FANCL: variants seen among roughly 807,000 people sequenced by gnomAD.
FANCL encodes the protein E3 ubiquitin-protein ligase FANCL.
In FANCL, 69 loss-of-function variants were observed where a neutral mutation model predicts 59.4. That is an observed-to-expected ratio of 1.16 (90% CI 0.96 to 1.42). The LOEUF is 1.42. Among genes scored for constraint, FANCL ranks in the 40% most tolerant of loss-of-function variants. FANCL has a pLI of 0.00. For missense variants in FANCL, 519 were observed against 447.2 expected, an observed-to-expected ratio of 1.16 and a Z score of -1.45; for synonymous variants, 180 against 147.1, an observed-to-expected ratio of 1.22 and a Z score of -1.62.
In FANCL at chr2:58,159,564, T is replaced by C; in HGVS notation, c.*201A>G. Reference sequence around the variant, plus strand: ...GCACGGGGATCACAGACTTAGAAAGTTCAACTGGACTTTGGCCTACAATTT... The same window carrying C: ...GCACGGGGATCACAGACTTAGAAAGCTCAACTGGACTTTGGCCTACAATTT... On this transcript the variant is annotated 3_prime_UTR_variant, in exon 14 of 14. Coordinates refer to ENST00000233741, the MANE Select transcript of FANCL (RefSeq NM_018062.4). 6.2e-7 allele frequency: 1 copy of C among 1,613,838 alleles called. No individual in the cohort carries two copies. The highest frequency in any genetic ancestry group is 8.5e-7 in the Non-Finnish European group (1 of 1,179,806).
chr2:58,162,814 AAACTTCATTAT>A, intron 11 of FANCL, 41 bp downstream of exon 11: 1 of 1,473,210 alleles, frequency 6.8e-7, no homozygotes, highest in East Asian at 2.3e-5. Context: ...AGAAGCATTT[AAACTTCATTAT>A]GCAATACTGT....
At chr2:58,236,702 C>T (rs994434275) in intron 1 of FANCL, among the ~76,000 whole-genome samples, 3 of 151,588 alleles carry the variant, frequency 2.0e-5, no homozygotes, top group Non-Finnish European at 4.4e-5. Context: ...TATTGCATAA[C>T]AAAGCAAAGC....
intron 7 of FANCL, among the ~76,000 whole-genome samples, chr2:58,169,010 C>A (rs1686251360): frequency 6.6e-6 from 1 of 152,164 alleles, no homozygotes; most frequent in Non-Finnish European, 1.5e-5. Flanking sequence ...AAAGGGGCGG[C>A]TGTGGGCACA....
chr2:58,177,771 T>A (rs1687496742), intron 7 of FANCL, among the ~76,000 whole-genome samples: 2 of 140,822 alleles, frequency 1.4e-5, no homozygotes, highest in African/African-American at 2.7e-5. Flanking sequence ...CACTAAAACT[T>A]AATAATAAAA....
rs75781229 is a variant in FANCL at position 58,187,568 on chromosome 2, T to TA, written c.540+11025dup. On this transcript the variant is annotated intron_variant, in intron 7 of 13. Transcript: ENST00000233741. ...TACCCTAAAACTTAAAGTATAATAA[T>TA]AAAAAAAAAAAAGTGTTGCAAAGAA... Among the ~76,000 whole-genome samples the TA allele has an allele frequency of 6.1e-3, 813 of 133,642 alleles. 8 individuals carry two copies. Among genetic ancestry groups the TA allele is most frequent in the African/African-American group, 0.02 (721 of 36,808 alleles). 87.7% of individuals were successfully genotyped at this position (133,642 alleles called of 152,430 possible). A position where few individuals can be genotyped will look rare whatever the true frequency, so the allele number is the denominator to read the frequency against.
chr2:58,182,652 A>C (rs548796160), intron 7 of FANCL, among the ~76,000 whole-genome samples: 5 of 151,868 alleles, frequency 3.3e-5, no homozygotes, highest in African/African-American at 4.8e-5. Context: ...TCAACAAAGT[A>C]TATGAGTCAA....
At chr2:58,166,551 TCA>T (rs1685972398) in intron 7 of FANCL, among the ~76,000 whole-genome samples, 2 of 152,216 alleles carry the variant, frequency 1.3e-5, no homozygotes, top group Non-Finnish European at 2.9e-5. Flanking sequence ...ACTTTAAAAA[TCA>T]GTTTTTAAAC....
chr2:58,169,522 G>C (rs1686320716), intron 7 of FANCL, among the ~76,000 whole-genome samples: 1 of 152,048 alleles, frequency 6.6e-6, no homozygotes, highest in African/African-American at 2.4e-5. Context: ...CTCCTCGCCA[G>C]CAAGGGAACA....
chr2:58,217,228 A>C (rs1229222337), intron 5 of FANCL, among the ~76,000 whole-genome samples: 1 of 85,670 alleles, frequency 1.2e-5, no homozygotes, highest in South Asian at 2.9e-4. Flanking sequence ...ACACACACAC[A>C]CACACACACA....
At position 58,159,367 on chromosome 2, in the gene FANCL, CAG is replaced by C. The variant is rs1450008060; in HGVS notation, c.*396_*397del. ...TCCATAGGAAAGCACAAGGAGAAGA[CAG>C]AAATATCAAGAGTCTCAAGAACCTT... On this transcript the variant is annotated 3_prime_UTR_variant, in exon 14 of 14. Coordinates refer to ENST00000233741, the MANE Select transcript of FANCL (RefSeq NM_018062.4). The C allele has an allele frequency of 2.5e-6, 4 of 1,607,230 alleles. No homozygotes were observed. The highest frequency in any genetic ancestry group is 3.4e-6 in the Non-Finnish European group (4 of 1,177,564).
intron 12 of FANCL, among the ~76,000 whole-genome samples, chr2:58,160,811 G>C (rs538008548): frequency 8.3e-4 from 126 of 152,114 alleles, no homozygotes; most frequent in African/African-American, 3.0e-3. Flanking sequence ...CATTGGCAAA[G>C]TACAGACGGC....
At chr2:58,241,088 AGCCGTTACGC>A (rs1431156222) in intron 1 of FANCL, 120 bp downstream of exon 1, 24 of 919,620 alleles carry the variant, frequency 2.6e-5, no homozygotes, top group Middle Eastern at 2.6e-4. Context: ...GTCTCCCAAG[AGCCGTTACGC>A]GCCGCCCCTC....
chr2:58,212,218 A>T (rs1454620484), intron 5 of FANCL, among the ~76,000 whole-genome samples: 2 of 152,220 alleles, frequency 1.3e-5, no homozygotes, highest in African/African-American at 2.4e-5. Context: ...TCTTACATGG[A>T]TGGCAGCAGG....
chr2:58,210,152 C>T (rs1402230381), intron 5 of FANCL, among the ~76,000 whole-genome samples: 2 of 152,112 alleles, frequency 1.3e-5, no homozygotes, highest in East Asian at 3.9e-4. Flanking sequence ...ATAAATGTAT[C>T]TTATAAAGTG....
Position 58,175,350 on chromosome 2 carries a change from A to T in FANCL, c.541-9476T>A, listed in dbSNP as rs1435936246. Among the ~76,000 whole-genome samples the T allele has an allele frequency of 3.3e-5, 5 of 149,730 alleles. No homozygotes were observed. In the South Asian group the frequency reaches 8.4e-4, roughly 25 times the overall value. ...CAACCAAAAAAGAGAATTTTACACC[A>T]ATATCCTTGATGAACATTGATGCAA... is the stretch of plus-strand genomic sequence containing the variant. On this transcript the variant is annotated intron_variant, in intron 7 of 13. Transcript: ENST00000233741.
rs935437096 is a variant in FANCL at position 58,202,520 on chromosome 2, GT to G, written c.471+1609del. On this transcript the variant is annotated intron_variant, in intron 6 of 13. Transcript: ENST00000233741. ...TACATGCTTTTGTTTTTCCAAAACA[GT>G]TTTTTTTTTCTTTTTTTGCCAAATT... 4.7e-3 allele frequency among the ~76,000 whole-genome samples: 693 copies of G among 148,102 alleles called. 3 individuals are homozygous for G. The highest frequency in any genetic ancestry group is 0.014 in the Middle Eastern group (4 of 280).
intron 7 of FANCL, among the ~76,000 whole-genome samples, chr2:58,167,741 G>C (rs1019610182): frequency 6.6e-6 from 1 of 152,154 alleles, no homozygotes; most frequent in Non-Finnish European, 1.5e-5. Flanking sequence ...TTACTAGCTA[G>C]CCATTTGAGG....
At chr2:58,177,000 C>T (rs1384998334) in intron 7 of FANCL, among the ~76,000 whole-genome samples, 7 of 152,136 alleles carry the variant, frequency 4.6e-5, no homozygotes. Flanking sequence ...CAAAAGAAGA[C>T]ATTTATGCAG....
chr2:58,166,682 TA>T (rs1164186375), intron 7 of FANCL, among the ~76,000 whole-genome samples: 1 of 152,202 alleles, frequency 6.6e-6, no homozygotes, highest in Non-Finnish European at 1.5e-5. Context: ...ACACAAAATG[TA>T]AAGTCACATA....
Sources: gnomAD v4.1 joint callset for allele counts (sites outside exome capture counted in the v4.1 genomes callset) on GRCh38, gnomAD v4.1.1 for gene constraint, MANE v1.5 for transcripts, NCBI Gene and HGNC (gene_info 2026-07-23, HGNC 2026-07-21) for gene names.